MED13L: variants seen among roughly 807,000 people sequenced by gnomAD.
MED13L encodes the protein mediator complex subunit 13L.
MED13L carries 7 observed loss-of-function variants against 220.9 expected under a neutral mutation model. The ratio of observed to expected loss-of-function variants is 0.03; its 90% CI spans 0.02 to 0.06. The LOEUF is 0.06. MED13L is among the 10% of genes least tolerant of loss of function. The pLI is 1.00. For synonymous variants in MED13L, 1,011 were observed against 1,015.2 expected, an observed-to-expected ratio of 1.00 and a Z score of 0.08; for missense variants, 1,965 against 2,760.5, an observed-to-expected ratio of 0.71 and a Z score of 6.46.
chr12:116,090,786 G>T (rs1872133964), intron 4 of MED13L, among the ~76,000 whole-genome samples: 2 of 152,082 alleles, frequency 1.3e-5, no homozygotes, highest in African/African-American at 4.8e-5. Context: ...AATTTAAAAA[G>T]GAATTACAAT....
chr12:116,082,318 A>G (rs1034906236), intron 4 of MED13L, among the ~76,000 whole-genome samples: 1 of 152,218 alleles, frequency 6.6e-6, no homozygotes, highest in Non-Finnish European at 1.5e-5. Flanking sequence ...ACAGGTGAGG[A>G]GCAAGCAAAG....
chr12:116,027,378 T>C (rs987633030), intron 4 of MED13L, among the ~76,000 whole-genome samples: 1 of 152,098 alleles, frequency 6.6e-6, no homozygotes, highest in East Asian at 1.9e-4. Flanking sequence ...GCCCAGATCA[T>C]GCCACTGAAC....
intron 2 of MED13L, among the ~76,000 whole-genome samples, chr12:116,128,951 T>C (rs1291482816): frequency 2.0e-5 from 3 of 151,780 alleles, no homozygotes; most frequent in Admixed American, 6.6e-5. Context: ...GGGAACATAA[T>C]GCAAAAAAAA....
rs370072164 is a variant in MED13L at position 116,203,693 on chromosome 12, G to A, written c.310+33775C>T. ...AAATTATCCGGGCATGGTGGCAGGC[G>A]CCTGTAGTCCCAGCTACTCAGGAGA... On this transcript the variant is annotated intron_variant, in intron 2 of 30. Transcript: ENST00000281928. 3.9e-5 allele frequency among the ~76,000 whole-genome samples: 6 copies of A among 151,916 alleles called. No homozygotes were observed. In the East Asian group the frequency reaches 7.8e-4, roughly 20 times the overall value.
chr12:115,995,165 A>C (rs1878318863), intron 16 of MED13L, among the ~76,000 whole-genome samples: 2 of 152,128 alleles, frequency 1.3e-5, no homozygotes, highest in Non-Finnish European at 2.9e-5. Context: ...CATCAGGATG[A>C]TTTTACAGAA....
At chr12:116,159,918 T>C (rs1196519385) in intron 2 of MED13L, among the ~76,000 whole-genome samples, 1 of 150,608 alleles carries the variant, frequency 6.6e-6, no homozygotes. Context: ...AGCTAACTAA[T>C]GTGGTCCCAA....
At chr12:116,170,624 T>A (rs1593125446) in intron 2 of MED13L, among the ~76,000 whole-genome samples, 5 of 147,832 alleles carry the variant, frequency 3.4e-5, no homozygotes, top group Admixed American at 3.4e-4. Context: ...TTTTTTTTTT[T>A]AAGAGTCACT....
chr12:116,116,599 GAACC>G (rs1218888086), intron 2 of MED13L, among the ~76,000 whole-genome samples: 2 of 152,014 alleles, frequency 1.3e-5, no homozygotes, highest in Non-Finnish European at 1.5e-5. Flanking sequence ...GGGGCTGTGG[GAACC>G]CCAGATTTAT....
At chr12:116,270,136 C>T (rs941351789) in intron 1 of MED13L, among the ~76,000 whole-genome samples, 2 of 151,686 alleles carry the variant, frequency 1.3e-5, no homozygotes, top group African/African-American at 4.8e-5. Context: ...CTATTCTATA[C>T]CACAGATAAT....
chr12:116,243,736 T>C (rs753324890), intron 1 of MED13L, among the ~76,000 whole-genome samples: 2 of 152,046 alleles, frequency 1.3e-5, no homozygotes, highest in Non-Finnish European at 2.9e-5. Flanking sequence ...ACCCATGGTG[T>C]AGTATCATGG....
intron 1 of MED13L, chr12:116,276,453 C>CT (rs1565963627): frequency 7.8e-7 from 1 of 1,288,876 alleles, no homozygotes; most frequent in Admixed American, 2.3e-5. Context: ...GGTGCAATGG[C>CT]TTTACGGCTC....
intron 2 of MED13L, among the ~76,000 whole-genome samples, chr12:116,113,229 G>A (rs1360025280): frequency 1.3e-5 from 2 of 152,080 alleles, no homozygotes; most frequent in Non-Finnish European, 2.9e-5. Flanking sequence ...AAGAGTGCTG[G>A]TGATGCAGCA....
At chr12:116,190,388 T>G (rs541729354) in intron 2 of MED13L, among the ~76,000 whole-genome samples, 2 of 152,362 alleles carry the variant, frequency 1.3e-5, no homozygotes, top group South Asian at 4.1e-4. Context: ...CAAAGGAAAT[T>G]AATGAATTAT....
At chr12:116,117,666 A>AC (rs1199907017) in intron 2 of MED13L, among the ~76,000 whole-genome samples, 1 of 151,874 alleles carries the variant, frequency 6.6e-6, no homozygotes, top group Non-Finnish European at 1.5e-5. Flanking sequence ...AGTATTAAAA[A>AC]CAAAAAAAAA....
At chr12:116,041,242 GCTGTTTGATGAGTA>G (rs1200549987) in intron 4 of MED13L, among the ~76,000 whole-genome samples, 3 of 152,140 alleles carry the variant, frequency 2.0e-5, no homozygotes, top group African/African-American at 4.8e-5. Flanking sequence ...AGGAGATCTG[GCTGTTTGATGAGTA>G]TGTGTGTGTC....
chr12:115,992,426 C>T (rs1878125490), intron 16 of MED13L, among the ~76,000 whole-genome samples: 1 of 151,992 alleles, frequency 6.6e-6, no homozygotes, highest in South Asian at 2.1e-4. Context: ...CAAAGTCTGC[C>T]AGTGTACTTG....
At chr12:116,022,740 C>T in intron 4 of MED13L, 139 bp from the exon 5 acceptor site, 1 of 898,120 alleles carries the variant, frequency 1.1e-6, no homozygotes, top group Non-Finnish European at 1.7e-6. Context: ...AAAAGAGAAA[C>T]TTCTAATTCA....
At chr12:116,219,634 T>C (rs1247256493) in intron 2 of MED13L, among the ~76,000 whole-genome samples, 2 of 152,204 alleles carry the variant, frequency 1.3e-5, no homozygotes, top group Non-Finnish European at 2.9e-5. Context: ...ATATTAATTG[T>C]TTGAAATTTA....
chr12:116,174,116 C>T (rs914448261), intron 2 of MED13L, among the ~76,000 whole-genome samples: 7 of 152,022 alleles, frequency 4.6e-5, no homozygotes, highest in African/African-American at 1.7e-4. Context: ...AAAATAAAAA[C>T]TCAAAAACTT....
Sources: gnomAD v4.1 joint callset for allele counts (sites outside exome capture counted in the v4.1 genomes callset) on GRCh38, gnomAD v4.1.1 for gene constraint, MANE v1.5 for transcripts, NCBI Gene and HGNC (gene_info 2026-07-23, HGNC 2026-07-21) for gene names.